Variants in VWA8 observed in about 807,000 individuals in gnomAD.
VWA8 encodes von Willebrand factor A domain-containing protein 8.
A neutral mutation model predicts 241.5 loss-of-function variants in VWA8; 221 were observed. That is an observed-to-expected ratio of 0.91 (90% confidence interval 0.82 to 1.02). The LOEUF is 1.02. VWA8 is among the 50% of genes least tolerant of loss of function. The pLI, the probability that VWA8 is intolerant of heterozygous loss-of-function variation, is 0.00. For synonymous variants in VWA8, 852 were observed against 827.1 expected (o/e 1.03, Z -0.52); for missense variants, 2,322 against 2,328.7 (o/e 1.00, Z 0.06).
At chr13:41,737,178 C>T (rs1308949893) in intron 21 of VWA8, among the ~76,000 whole-genome samples, 1 of 152,146 alleles carries the variant, frequency 6.6e-6, no homozygotes, top group Non-Finnish European at 1.5e-5. Flanking sequence ...AATTAAATGG[C>T]AATTTTTACC....
chr13:41,869,790 A>C (rs1466399338), intron 9 of VWA8, among the ~76,000 whole-genome samples: 2 of 152,148 alleles, frequency 1.3e-5, no homozygotes, highest in East Asian at 1.9e-4. Flanking sequence ...AGATGAAAAT[A>C]AATTGAAAAT....
chr13:41,624,332 G>C (rs770075818), intron 37 of VWA8, among the ~76,000 whole-genome samples: 2 of 152,108 alleles, frequency 1.3e-5, no homozygotes, highest in Non-Finnish European at 2.9e-5. Context: ...TATGCAGCTA[G>C]CATCATTCTG....
chr13:41,945,833 GAATA>G (rs1877824876), intron 2 of VWA8, among the ~76,000 whole-genome samples: 1 of 151,982 alleles, frequency 6.6e-6, no homozygotes, highest in Non-Finnish European at 1.5e-5. Context: ...AGAAAAAAGA[GAATA>G]AATAAATAAT....
chr13:41,713,952 CTATTA>C (rs1279966521), intron 26 of VWA8, among the ~76,000 whole-genome samples: 2 of 151,822 alleles, frequency 1.3e-5, no homozygotes, highest in Non-Finnish European at 2.9e-5. Flanking sequence ...AATATCTCTT[CTATTA>C]TGTCAAAAAG....
chr13:41,695,971 T>C (rs2045213382), intron 29 of VWA8: 2 of 152,228 alleles, frequency 1.3e-5, no homozygotes, highest in Non-Finnish European at 2.9e-5. Flanking sequence ...ATTTGACAGC[T>C]GAAAATGTGG....
At chr13:41,898,205 G>C (rs561626619) in intron 4 of VWA8, among the ~76,000 whole-genome samples, 1 of 151,954 alleles carries the variant, frequency 6.6e-6, no homozygotes, top group South Asian at 2.1e-4. Flanking sequence ...GGTTCTCCAA[G>C]GCCCCACCAG....
intron 42 of VWA8, among the ~76,000 whole-genome samples, chr13:41,580,297 A>G (rs914836531): frequency 6.6e-6 from 1 of 152,232 alleles, no homozygotes; most frequent in Non-Finnish European, 1.5e-5. Flanking sequence ...GGGACTCAGA[A>G]AAGTATGTAC....
intron 2 of VWA8, chr13:41,927,406 TCAAGGTCTG>T (rs2138135504): frequency 2.1e-6 from 1 of 469,998 alleles, no homozygotes; most frequent in African/African-American, 2.0e-5. Context: ...CTGCAAAAGA[TCAAGGTCTG>T]CAAGGGAATT....
chr13:41,768,443 C>T (rs2045794666), intron 20 of VWA8, among the ~76,000 whole-genome samples: 1 of 152,088 alleles, frequency 6.6e-6, no homozygotes, highest in Non-Finnish European at 1.5e-5. Flanking sequence ...AATAGAATCT[C>T]TAATCACATT....
At chr13:41,719,359 T>G in intron 26 of VWA8, 1 of 1,346,054 alleles carries the variant, frequency 7.4e-7, no homozygotes, top group Non-Finnish European at 9.5e-7. Flanking sequence ...ATATTTCCCT[T>G]TATTTATTAC....
chr13:41,754,470 C>T (rs1048422343), intron 21 of VWA8, among the ~76,000 whole-genome samples: 1 of 152,142 alleles, frequency 6.6e-6, no homozygotes, highest in Non-Finnish European at 1.5e-5. Context: ...CAGACTAATA[C>T]AGGTACATTA....
intron 39 of VWA8, 35 bp downstream of exon 39, chr13:41,611,541 A>G: frequency 6.2e-7 from 1 of 1,609,984 alleles, no homozygotes; most frequent in Non-Finnish European, 8.5e-7. Flanking sequence ...TCACCATAGC[A>G]GTAGTGCTGG....
chr13:41,769,426 C>T (rs1013373441), intron 20 of VWA8, among the ~76,000 whole-genome samples: 3 of 152,126 alleles, frequency 2.0e-5, no homozygotes, highest in African/African-American at 7.2e-5. Context: ...AGACAAAATG[C>T]TTATTAATCA....
intron 2 of VWA8, among the ~76,000 whole-genome samples, chr13:41,914,262 G>A (rs1395282442): frequency 6.6e-6 from 1 of 152,188 alleles, no homozygotes; most frequent in East Asian, 1.9e-4. Context: ...GGTTAGGAAG[G>A]AATAATAACA....
Position 41,692,961 on chromosome 13 carries a change from G to T in VWA8, c.3576C>A (p.Ile1192=). 6.2e-7 allele frequency: 1 copy of T among 1,604,644 alleles called. No individual in the cohort carries two copies. The highest frequency in any genetic ancestry group is 8.5e-7 in the Non-Finnish European group (1 of 1,174,310). The change falls in exon 30 of 45, where the codon ATC becomes ATA. Residue 1192 remains isoleucine (I), a synonymous_variant. Transcript: ENST00000379310. ...CCCGGCCAGTAGTATCTAACAACAG[G>T]ATAACATTACTCTGCAAATGATAAA... ...VVLHEQQSNV[I]LLLDTTGRAL...
rs561702366 is a variant in VWA8, at chr13:41,761,268, A to T, written c.2350-64T>A. The T allele has an allele frequency of 6.7e-6, 10 of 1,487,144 alleles. No individual in the cohort carries two copies. The South Asian group carries it at 7.0e-5, about 10-fold the overall frequency. The allele number at this position is 1,487,144 out of a possible 1,614,324, so 92.1% of individuals were successfully genotyped here. A position where few individuals can be genotyped will look rare whatever the true frequency, so the allele number is the denominator to read the frequency against. The stretch of plus-strand genomic sequence containing the variant: ...TTTTCTGGAGATAAGCTTATGCCAA[A>T]TCAGAAGAATCTTTTACCAAAACCT... On this transcript the variant is annotated intron_variant, in intron 20 of 44. Coordinates refer to ENST00000379310, the MANE Select transcript of VWA8 (RefSeq NM_015058.2).
At chr13:41,931,562 T>C (rs1451143593) in intron 2 of VWA8, among the ~76,000 whole-genome samples, 2 of 152,060 alleles carry the variant, frequency 1.3e-5, no homozygotes, top group Non-Finnish European at 2.9e-5. Context: ...AAATGAGTAG[T>C]TTTTAGCTGC....
intron 17 of VWA8, 71 bp downstream of exon 17, chr13:41,811,154 T>A: frequency 1.6e-6 from 2 of 1,284,488 alleles, no homozygotes; most frequent in South Asian, 2.6e-5. Context: ...ATATGCACCA[T>A]CAGTTAAACT....
At chr13:41,801,594 T>G (rs1208494958) in intron 17 of VWA8, among the ~76,000 whole-genome samples, 1 of 152,262 alleles carries the variant, frequency 6.6e-6, no homozygotes, top group Non-Finnish European at 1.5e-5. Context: ...TTTCTTACTA[T>G]TCTTTAAAAT....
Sources: gnomAD v4.1 joint callset for allele counts (sites outside exome capture counted in the v4.1 genomes callset) on GRCh38, gnomAD v4.1.1 for gene constraint, MANE v1.5 for transcripts, NCBI Gene and HGNC (gene_info 2026-07-23, HGNC 2026-07-21) for gene names.